Variants in FAM3B observed in about 807,000 individuals in gnomAD.
FAM3B encodes protein FAM3B.
In FAM3B, 29 loss-of-function variants were observed where a neutral mutation model predicts 28.4. The ratio of observed to expected loss-of-function variants is 1.02; its 90% CI spans 0.76 to 1.39. The LOEUF (loss-of-function observed/expected upper bound fraction) is 1.39. FAM3B is among the 40% of genes most tolerant of loss of function. FAM3B has a pLI of 0.00. For synonymous variants in FAM3B, 91 were observed against 103.0 expected (o/e 0.88, Z 0.71); for missense variants, 266 against 293.9 (o/e 0.91, Z 0.69).
In FAM3B at chr21:41,316,841, A is replaced by T; in HGVS notation, c.-39A>T. The T allele has an allele frequency of 7.0e-7, 1 of 1,433,728 alleles. No homozygotes were observed. Among genetic ancestry groups the T allele is most frequent in the South Asian group, 1.4e-5 (1 of 71,118 alleles). The allele number at this position is 1,433,728 out of a possible 1,614,324, so 88.8% of individuals were successfully genotyped here. ...GCTCCGCTGGCTGCGGTCGCCTGGG[A>T]GCTGCCGCCAGGGCCAGGAGGGGAG... is the stretch of plus-strand genomic sequence containing the variant. On this transcript the variant is annotated 5_prime_UTR_variant, in exon 1 of 8. Transcript: ENST00000357985.
chr21:41,309,095 T>G (rs1463203081), intron 1 of FAM3B, among the ~76,000 whole-genome samples: 3 of 152,224 alleles, frequency 2.0e-5, no homozygotes, highest in Non-Finnish European at 4.4e-5. Context: ...ACAGACTTTG[T>G]GCACTTCAGT....
intron 2 of FAM3B, among the ~76,000 whole-genome samples, chr21:41,325,334 A>G (rs569032876): frequency 3.3e-5 from 5 of 152,304 alleles, no homozygotes; most frequent in Non-Finnish European, 7.4e-5. Flanking sequence ...CTATAGAACA[A>G]TGAGGTAGTT....
At chr21:41,320,107 T>C (rs1318414172) in intron 1 of FAM3B, 1 of 151,908 alleles carries the variant, frequency 6.6e-6, no homozygotes, top group East Asian at 1.9e-4. Flanking sequence ...GAAAATAAAT[T>C]TCAATTTCAA....
chr21:41,338,729 G>A (rs556002964), intron 3 of FAM3B, among the ~76,000 whole-genome samples: 27 of 152,262 alleles, frequency 1.8e-4, no homozygotes, highest in African/African-American at 6.0e-4. Flanking sequence ...ATGGTTTTAC[G>A]GTTTCGTTTG....
chr21:41,351,703 T>C (rs934008909), intron 7 of FAM3B, among the ~76,000 whole-genome samples: 1 of 152,224 alleles, frequency 6.6e-6, no homozygotes, highest in African/African-American at 2.4e-5. Context: ...CTCCACCTGC[T>C]ATTCCAGGAG....
At chr21:41,304,285 G>A (rs1014596951) in exon 1 of FAM3B, 4 of 456,046 alleles carry the variant, frequency 8.8e-6, no homozygotes, top group Admixed American at 4.7e-5. Context: ...TTTTTCCACC[G>A]TGCGAAGGCA....
chr21:41,306,144 A>G (rs1601341568), intron 1 of FAM3B, among the ~76,000 whole-genome samples: 1 of 152,222 alleles, frequency 6.6e-6, no homozygotes, highest in African/African-American at 2.4e-5. Flanking sequence ...AAATTTTCTC[A>G]TGAGATTGCA....
intron 7 of FAM3B, among the ~76,000 whole-genome samples, chr21:41,351,946 C>T (rs913850613): frequency 2.6e-5 from 4 of 152,172 alleles, no homozygotes; most frequent in Non-Finnish European, 5.9e-5. Context: ...CTGAGTTTGG[C>T]ACTTCATAGG....
At position 41,323,016 on chromosome 21, in the gene FAM3B, C is replaced by T; in HGVS notation, c.113C>T (p.Ser38Phe). 2 of 1,610,018 alleles carry T rather than the reference C, an allele frequency of 1.2e-6. No homozygotes were observed. The highest frequency in any genetic ancestry group is 1.7e-4 in the Middle Eastern group (1 of 6,052). The change falls in exon 2 of 8, where the codon TCC becomes TTC. Residue 38 changes from serine to phenylalanine, a missense_variant. Ser to Phe is a radical substitution (Grantham distance 155). Coordinates refer to ENST00000357985, the MANE Select transcript of FAM3B (RefSeq NM_058186.4). ...GAGCTCATTCCAGATGCACCCCTGT[C>T]CAGTGCTGCCTATAGCATCCGCAGC... is the stretch of plus-strand genomic sequence containing the variant. The part of the protein sequence containing the change: ...LAELIPDAPL[S>F]SAAYSIRSIG...
At chr21:41,345,535 C>A in intron 4 of FAM3B, 151 bp from the exon 5 acceptor site, 1 of 542,770 alleles carries the variant, frequency 1.8e-6, no homozygotes, top group Non-Finnish European at 3.3e-6. Flanking sequence ...CCTCAAGGGG[C>A]CCGCCCTGTC....
At chr21:41,316,790 C>A, upstream of FAM3B, 1 of 1,309,618 alleles carries the variant, frequency 7.6e-7, no homozygotes, top group Non-Finnish European at 9.9e-7. Flanking sequence ...CGACCGCTGC[C>A]CGCCCCTTGC....
At chr21:41,313,424 G>C (rs2088726833), upstream of FAM3B, among the ~76,000 whole-genome samples, 1 of 152,240 alleles carries the variant, frequency 6.6e-6, no homozygotes, top group Non-Finnish European at 1.5e-5. Flanking sequence ...TGTCACCACA[G>C]ATGAATTTGA....
At chr21:41,332,287 C>A (rs761968628) in intron 2 of FAM3B, among the ~76,000 whole-genome samples, 68 of 152,200 alleles carry the variant, frequency 4.5e-4, no homozygotes, top group Non-Finnish European at 7.6e-4. Flanking sequence ...TTCTTTAAAG[C>A]CTGCAGGACC....
At chr21:41,318,672 G>A (rs1183992232) in intron 1 of FAM3B, among the ~76,000 whole-genome samples, 1 of 152,134 alleles carries the variant, frequency 6.6e-6, no homozygotes. Context: ...TTCATGGTGA[G>A]GTGATCTGAA....
At chr21:41,356,891 G>A (rs765000512) in intron 7 of FAM3B, among the ~76,000 whole-genome samples, 5 of 152,056 alleles carry the variant, frequency 3.3e-5, no homozygotes, top group African/African-American at 7.2e-5. Context: ...ACATGATATG[G>A]ACATATCACA....
intron 1 of FAM3B, among the ~76,000 whole-genome samples, chr21:41,310,031 C>T (rs976884904): frequency 2.0e-5 from 3 of 152,200 alleles, no homozygotes; most frequent in Non-Finnish European, 4.4e-5. Context: ...GTTTCTCATC[C>T]TCCCAGCCTG....
At position 41,357,100 on chromosome 21, in the gene FAM3B, C is replaced by G. The variant is rs1398545582; in HGVS notation, c.619-8C>G. The G allele has an allele frequency of 1.2e-6, 2 of 1,605,250 alleles. No homozygotes were observed. Among genetic ancestry groups the G allele is most frequent in the Non-Finnish European group, 1.7e-6 (2 of 1,174,472 alleles). On this transcript the variant is annotated splice_polypyrimidine_tract_variant and splice_region_variant and intron_variant, in intron 7 of 7. Coordinates refer to ENST00000357985, the MANE Select transcript of FAM3B (RefSeq NM_058186.4). Reference sequence around the variant, plus strand: ...TGAATAAATAAAACTCTTCTTTTCTCTACACAGATCAACCACTCTGATGCT... The same window carrying G: ...TGAATAAATAAAACTCTTCTTTTCTGTACACAGATCAACCACTCTGATGCT...
intron 6 of FAM3B, among the ~76,000 whole-genome samples, chr21:41,347,829 A>G (rs2089078928): frequency 6.6e-6 from 1 of 152,102 alleles, no homozygotes; most frequent in African/African-American, 2.4e-5. Flanking sequence ...AAGTGGATGT[A>G]GCTCAGTGCC....
At chr21:41,327,240 C>T (rs1165633269) in intron 2 of FAM3B, among the ~76,000 whole-genome samples, 3 of 152,232 alleles carry the variant, frequency 2.0e-5, no homozygotes, top group Non-Finnish European at 4.4e-5. Flanking sequence ...TCACAAACCA[C>T]GGATTCTTTT....
Sources: allele counts gnomAD v4.1 joint callset (sites outside exome capture counted in the v4.1 genomes callset), GRCh38; gene constraint gnomAD v4.1.1; transcripts MANE v1.5; gene names NCBI Gene and HGNC (gene_info 2026-07-23, HGNC 2026-07-21).